ZNF407: variants seen among roughly 807,000 people sequenced by gnomAD.
The protein encoded by ZNF407 is zinc finger protein 407.
In ZNF407, 17 loss-of-function variants were observed where a neutral mutation model predicts 131.2. That is an observed-to-expected ratio of 0.13 (90% CI 0.09 to 0.19). ZNF407 has a LOEUF of 0.19. Among genes scored for constraint, ZNF407 ranks in the 10% least tolerant of loss-of-function variants. The pLI is 1.00. For missense variants in ZNF407, 2,681 were observed against 2,830.6 expected (o/e 0.95, Z 1.20); for synonymous variants, 1,156 against 1,062.0 (o/e 1.09, Z -1.72).
intron 8 of ZNF407, among the ~76,000 whole-genome samples, chr18:75,001,623 T>C (rs1441426705): frequency 6.6e-6 from 1 of 152,204 alleles, no homozygotes; most frequent in Non-Finnish European, 1.5e-5. Context: ...TGATGGAATC[T>C]TTCCTCAAAA....
chr18:74,824,730 C>T (rs1970385934), intron 4 of ZNF407, among the ~76,000 whole-genome samples: 1 of 152,084 alleles, frequency 6.6e-6, no homozygotes, highest in Non-Finnish European at 1.5e-5. Flanking sequence ...AATAGCCTAC[C>T]AACCAAAAAA....
In ZNF407 at chr18:74,622,227, T is replaced by C. The variant is rs528515157; in HGVS notation, c.-53-8740T>C. On this transcript the variant is annotated intron_variant, in intron 1 of 8. Coordinates refer to ENST00000299687, the MANE Select transcript of ZNF407 (RefSeq NM_017757.3). ...CATGGGGTTTCGTGACTACAACTAATACTAAGCTGCCTTTATGCATGGACT... is the reference window on the plus strand; with the variant it reads ...CATGGGGTTTCGTGACTACAACTAACACTAAGCTGCCTTTATGCATGGACT... 3.9e-5 allele frequency among the ~76,000 whole-genome samples: 6 copies of C among 152,324 alleles called. No homozygotes were observed. The South Asian group carries it at 1.2e-3, about 32-fold the overall frequency.
intron 8 of ZNF407, among the ~76,000 whole-genome samples, chr18:74,944,464 C>T (rs1972133019): frequency 6.6e-6 from 1 of 152,124 alleles, no homozygotes; most frequent in South Asian, 2.1e-4. Flanking sequence ...TTGCAGGATG[C>T]ACACTAGATT....
chr18:75,002,626 C>T (rs569125499), intron 8 of ZNF407, among the ~76,000 whole-genome samples: 19 of 152,188 alleles, frequency 1.2e-4, no homozygotes, highest in Non-Finnish European at 2.4e-4. Context: ...CACGGTGAAA[C>T]CCCGTCTCTA....
chr18:74,827,732 C>A (rs191226704), intron 4 of ZNF407, among the ~76,000 whole-genome samples: 81 of 152,308 alleles, frequency 5.3e-4, no homozygotes, highest in Non-Finnish European at 9.6e-4. Flanking sequence ...TTGGATGTCA[C>A]TGTTTCTGGG....
chr18:74,632,874 C>G lies in ZNF407; in HGVS notation c.1855C>G (p.Pro619Ala). 6.2e-7 allele frequency: 1 copy of G among 1,613,424 alleles called. No homozygotes were observed. The highest frequency in any genetic ancestry group is 8.5e-7 in the Non-Finnish European group (1 of 1,179,872). Residue 619 changes from proline to alanine, a missense_variant, in exon 2 of 9, where the codon CCT becomes GCT. Pro to Ala is a conservative substitution (Grantham distance 27). Transcript: ENST00000299687. ...EKHNMHFLCTPCNLFFLSEKD... is the reference protein window; with the variant it reads ...EKHNMHFLCTACNLFFLSEKD... ...GCACAATATGCATTTTCTTTGCACC[C>G]CTTGTAATCTGTTCTTTTTGTCTGA...
Position 74,632,546 on chromosome 18 carries a change from G to A in ZNF407, c.1527G>A (p.Pro509=), listed in dbSNP as rs369821297. Residue 509 remains proline, a synonymous_variant, in exon 2 of 9, where the codon CCG becomes CCA. Coordinates refer to ENST00000299687, the MANE Select transcript of ZNF407 (RefSeq NM_017757.3). ...AGGGCCAGGGGAGTGCCCGTCCTCCGGACTCCGGGCTGCATTCCCTGACAG... is the reference window on the plus strand; with the variant it reads ...AGGGCCAGGGGAGTGCCCGTCCTCCAGACTCCGGGCTGCATTCCCTGACAG... ...AEQGQGSARP[P]DSGLHSLTVK... The A allele has an allele frequency of 2.6e-5, 42 of 1,614,018 alleles. No homozygotes were observed. Among genetic ancestry groups the A allele is most frequent in the Middle Eastern group, 3.3e-4 (2 of 6,062 alleles).
intron 8 of ZNF407, among the ~76,000 whole-genome samples, chr18:74,948,178 A>G (rs1238294293): frequency 6.6e-6 from 1 of 152,224 alleles, no homozygotes; most frequent in African/African-American, 2.4e-5. Flanking sequence ...AACTACTCAG[A>G]AGAGCAAATT....
intron 8 of ZNF407, among the ~76,000 whole-genome samples, chr18:74,974,666 T>G (rs1001094930): frequency 3.3e-5 from 5 of 152,186 alleles, no homozygotes; most frequent in Admixed American, 3.3e-4. Context: ...CTGTAAATTG[T>G]TTAGTACCCC....
At chr18:74,732,602 C>G (rs1411642893) in intron 3 of ZNF407, among the ~76,000 whole-genome samples, 1 of 152,146 alleles carries the variant, frequency 6.6e-6, no homozygotes, top group Non-Finnish European at 1.5e-5. Context: ...GATTGCCCTT[C>G]AGTGGATAAC....
At chr18:74,668,252 A>G (rs1986007382) in intron 3 of ZNF407, among the ~76,000 whole-genome samples, 1 of 152,182 alleles carries the variant, frequency 6.6e-6, no homozygotes, top group South Asian at 2.1e-4. Flanking sequence ...GCTTCAGGCT[A>G]TGTGTATAGG....
At chr18:74,912,620 T>C (rs544605730) in intron 7 of ZNF407, among the ~76,000 whole-genome samples, 1 of 152,320 alleles carries the variant, frequency 6.6e-6, no homozygotes, top group South Asian at 2.1e-4. Context: ...AGGTTGATTT[T>C]GAATCAAATC....
chr18:74,628,754 T>A (rs1384104065), intron 1 of ZNF407, among the ~76,000 whole-genome samples: 6 of 152,022 alleles, frequency 3.9e-5, no homozygotes, highest in South Asian at 2.1e-4. Flanking sequence ...ATTATTTTTT[T>A]ATTTTTTTAG....
chr18:74,820,896 G>T (rs895833593), intron 4 of ZNF407, among the ~76,000 whole-genome samples: 1 of 152,126 alleles, frequency 6.6e-6, no homozygotes, highest in Admixed American at 6.5e-5. Flanking sequence ...TTGCAGTCTG[G>T]CTCAGGAAAA....
intron 4 of ZNF407, among the ~76,000 whole-genome samples, chr18:74,798,564 C>T (rs948371739): frequency 3.9e-5 from 6 of 152,104 alleles, no homozygotes; most frequent in Admixed American, 2.0e-4. Flanking sequence ...AATTATAAAA[C>T]TCTTAACAAA....
chr18:74,921,803 T>C (rs1376216263), intron 8 of ZNF407, among the ~76,000 whole-genome samples: 10 of 152,216 alleles, frequency 6.6e-5, no homozygotes, highest in Admixed American at 6.5e-4. Context: ...GATGTGGGGA[T>C]TGTGATATAT....
At chr18:74,781,686 A>G (rs368307806) in intron 4 of ZNF407, among the ~76,000 whole-genome samples, 184 bp downstream of exon 4, 3 of 152,264 alleles carry the variant, frequency 2.0e-5, no homozygotes, top group East Asian at 3.9e-4. Context: ...TATTTTAATT[A>G]AAACTTGAGT....
Position 75,064,370 on chromosome 18 carries a change from G to A in ZNF407, c.6649G>A (p.Glu2217Lys). Residue 2217 changes from glutamate (E) to lysine (K), a missense_variant, in exon 9 of 9, where the codon GAG becomes AAG. Physicochemically the swap from Glu to Lys is moderately conservative, Grantham distance 56 (BLOSUM62 1). Transcript: ENST00000299687. ...GTEAGAPSRA[E>K]QLASVVIYTQ... is the part of the protein sequence containing the mutation. ...AGAGGCCGGGGCCCCAAGCAGGGCA[G>A]AGCAGCTGGCCAGCGTGGTCATCTA... is the stretch of plus-strand genomic sequence containing the variant. 2.5e-6 allele frequency: 4 copies of A among 1,579,150 alleles called. No homozygotes were observed. The highest frequency in any genetic ancestry group is 3.4e-6 in the Non-Finnish European group (4 of 1,163,048).
At chr18:74,774,113 A>G (rs1159877937) in intron 3 of ZNF407, among the ~76,000 whole-genome samples, 1 of 152,228 alleles carries the variant, frequency 6.6e-6, no homozygotes, top group Non-Finnish European at 1.5e-5. Context: ...TACAAGACAT[A>G]ATTACGGTAA....
Sources: allele counts gnomAD v4.1 joint callset (sites outside exome capture counted in the v4.1 genomes callset), GRCh38; gene constraint gnomAD v4.1.1; transcripts MANE v1.5; gene names NCBI Gene and HGNC (gene_info 2026-07-23, HGNC 2026-07-21).